The following CENATAC variants were observed in gnomAD, a reference collection of about 807,000 sequenced individuals.
The protein encoded by CENATAC is centrosomal AT-AC splicing factor.
In CENATAC, 53 loss-of-function variants were observed where a neutral mutation model predicts 53.7. The ratio of observed to expected loss-of-function variants is 0.99; its 90% CI spans 0.79 to 1.24. The LOEUF (loss-of-function observed/expected upper bound fraction) is 1.24, where lower values mean the gene tolerates loss of function less well. Among genes scored for constraint, CENATAC ranks in the 50% most tolerant of loss-of-function variants. CENATAC has a pLI of 0.00. For synonymous variants in CENATAC, 156 were observed against 144.6 expected (o/e 1.08, Z -0.57); for missense variants, 474 against 417.8 (o/e 1.13, Z -1.17).
chr11:119,011,544 A>G (rs924957327), intron 5 of CENATAC, among the ~76,000 whole-genome samples: 1 of 151,962 alleles, frequency 6.6e-6, no homozygotes, highest in Non-Finnish European at 1.5e-5. Context: ...ACGCCTGGCT[A>G]ATTTTTATAT....
chr11:119,007,214 C>T (rs1401853209), intron 3 of CENATAC, among the ~76,000 whole-genome samples: 1 of 152,048 alleles, frequency 6.6e-6, no homozygotes, highest in Non-Finnish European at 1.5e-5. Flanking sequence ...GAGAGAGTCT[C>T]GCTCTGTCAC....
chr11:119,011,876 G>C (rs548016219), intron 5 of CENATAC, 63 bp from the exon 6 acceptor site: 22 of 1,441,184 alleles, frequency 1.5e-5, no homozygotes, highest in Middle Eastern at 3.5e-4. Flanking sequence ...GGAGGGTGGA[G>C]GCATGGCCTA....
rs782449517 is a variant in CENATAC, at chr11:119,014,961, A to G, written c.716-33A>G. The G allele has an allele frequency of 5.4e-5, 73 of 1,343,310 alleles. 1 individual carries two copies. In the South Asian group the frequency reaches 9.0e-4, roughly 16 times the overall value. 83.2% of individuals were successfully genotyped at this position (1,343,310 alleles called of 1,614,324 possible). A position where few individuals can be genotyped will look rare whatever the true frequency, so the allele number is the denominator to read the frequency against. ...GTTTCACAATAGCCTGAAGACTTAA[A>G]AAAAAAAAAAAAAGCCTTAATTTTT... is the stretch of plus-strand genomic sequence containing the variant. On this transcript the variant is annotated intron_variant, in intron 8 of 10. Transcript: ENST00000334418.
At chr11:119,013,754 T>C (rs990640763) in intron 8 of CENATAC, among the ~76,000 whole-genome samples, 3 of 150,764 alleles carry the variant, frequency 2.0e-5, no homozygotes, top group African/African-American at 7.3e-5. Context: ...TGAGCCACCG[T>C]GCCCGGACTT....
intron 6 of CENATAC, 55 bp from the exon 7 acceptor site, chr11:119,012,090 ATCTT>A: frequency 6.2e-7 from 1 of 1,613,912 alleles, no homozygotes; most frequent in Non-Finnish European, 8.5e-7. Context: ...AACAGATCTA[ATCTT>A]TACCACCCTC....
chr11:119,013,153 TG>T (rs1173677080), intron 7 of CENATAC, 78 bp from the exon 8 acceptor site: 23 of 1,073,386 alleles, frequency 2.1e-5, no homozygotes, highest in Admixed American at 6.6e-5. Context: ...AAGTGTGCTT[TG>T]TCTATCGTTT....
In CENATAC at chr11:118,999,080, GT is replaced by G. The variant is rs1371167479; in HGVS notation, c.357del (p.Leu120TrpfsTer15). On this transcript the variant is annotated frameshift_variant, in exon 3 of 11. Coordinates refer to ENST00000334418, the MANE Select transcript of CENATAC (RefSeq NM_198489.3). LOFTEE classifies it high-confidence loss of function. ...AAGCTGAGGTCCAGATGAAAGAGAAGTTTCTGGTCACTCCCCAGGATTATGC... is the reference window on the plus strand; with the variant it reads ...AAGCTGAGGTCCAGATGAAAGAGAAGTTCTGGTCACTCCCCAGGATTATGC... ...NKAEVQMKEK[F>X]LVTPQDYARF... is the part of the protein sequence containing the mutation. The G allele has an allele frequency of 1.2e-6, 2 of 1,614,132 alleles. No homozygotes were observed. Among genetic ancestry groups the G allele is most frequent in the Admixed American group, 3.3e-5 (2 of 60,004 alleles).
intron 3 of CENATAC, among the ~76,000 whole-genome samples, chr11:119,006,209 GACTACAGGCACAGGCC>G (rs1355546822): frequency 6.8e-6 from 1 of 146,650 alleles, no homozygotes; most frequent in Non-Finnish European, 1.5e-5. Context: ...GAGTAGCTGG[GACTACAGGCACAGGCC>G]ACCACACCCA....
chr11:119,010,218 G>A (rs1942800570), intron 3 of CENATAC: 3 of 152,962 alleles, frequency 2.0e-5, no homozygotes, highest in African/African-American at 7.2e-5. Context: ...AGGATGTGAA[G>A]TAATGGAAAC....
At chr11:119,002,351 T>C (rs1420002579) in intron 3 of CENATAC, among the ~76,000 whole-genome samples, 1 of 150,968 alleles carries the variant, frequency 6.6e-6, no homozygotes, top group African/African-American at 2.4e-5. Flanking sequence ...GATTTTTTTT[T>C]TTTTTTTTGG....
rs782214972 is a variant in CENATAC at position 119,011,333 on chromosome 11, T to G, written c.513+50T>G. 1.9e-6 allele frequency: 3 copies of G among 1,561,072 alleles called. No homozygotes were observed. In the African/African-American group the frequency reaches 4.1e-5, roughly 21 times the overall value. ...ACCAGTATCCAAATCCACTGATCCC[T>G]GGCATTCCCAGGTCCAGCATTTCAT... On this transcript the variant is annotated intron_variant, in intron 5 of 10. Transcript: ENST00000334418.
chr11:119,008,278 TTTA>T (rs1942701234), intron 3 of CENATAC, among the ~76,000 whole-genome samples: 1 of 152,190 alleles, frequency 6.6e-6, no homozygotes, highest in Non-Finnish European at 1.5e-5. Flanking sequence ...TCCCTCAGTT[TTTA>T]TTGATTATTA....
In CENATAC at chr11:119,010,832, T is replaced by C; in HGVS notation, c.450+2T>C. ...AAGGAGGATAAAGTGATCAAGGAGGTAAGTTAAAGTAGCAGTCCCTCACCC... is the reference window on the plus strand; with the variant it reads ...AAGGAGGATAAAGTGATCAAGGAGGCAAGTTAAAGTAGCAGTCCCTCACCC... On this transcript the variant is annotated splice_donor_variant, in intron 4 of 10. Coordinates refer to ENST00000334418, the MANE Select transcript of CENATAC (RefSeq NM_198489.3). LOFTEE classifies it high-confidence loss of function. 6.2e-7 allele frequency: 1 copy of C among 1,613,418 alleles called. No homozygotes were observed. Among genetic ancestry groups the C allele is most frequent in the Non-Finnish European group, 8.5e-7 (1 of 1,179,574 alleles).
chr11:119,001,052 G>A (rs1369105130), intron 3 of CENATAC, among the ~76,000 whole-genome samples: 1 of 152,074 alleles, frequency 6.6e-6, no homozygotes, highest in Non-Finnish European at 1.5e-5. Context: ...AGTGCTTCAG[G>A]CATCACTAGT....
At chr11:119,000,762 GA>G (rs1201960280) in intron 3 of CENATAC, among the ~76,000 whole-genome samples, 2,957 of 149,394 alleles carry the variant, frequency 0.02, 95 homozygotes, top group African/African-American at 0.069. Context: ...GTCTCAAAAG[GA>G]AAAAAAAAAT....
At chr11:119,012,784 CT>C (rs1285415425) in intron 7 of CENATAC, 1 of 165,224 alleles carries the variant, frequency 6.1e-6, no homozygotes, top group East Asian at 1.8e-4. Flanking sequence ...CTAAAACCTG[CT>C]TTCCTTCCCT....
At chr11:119,013,040 TGAG>T (rs1592077733) in intron 7 of CENATAC, 189 bp from the exon 8 acceptor site, 4 of 506,544 alleles carry the variant, frequency 7.9e-6, no homozygotes, top group Non-Finnish European at 1.4e-5. Flanking sequence ...GTGAGCTTCC[TGAG>T]GACAGGGTTG....
In CENATAC at chr11:119,012,407, T is replaced by C. The variant is rs186693183; in HGVS notation, c.684+153T>C. The C allele has an allele frequency of 6.4e-6, 5 of 783,418 alleles. No homozygotes were observed. The African/African-American group carries it at 8.7e-5, about 14-fold the overall frequency. The allele number at this position is 783,418 out of a possible 1,614,324, so 48.5% of individuals were successfully genotyped here. A position where few individuals can be genotyped will look rare whatever the true frequency, so the allele number is the denominator to read the frequency against. ...TTCCCTAGTAGTGTTCTCAGACCTC[T>C]TCTCACCCTCCAAAGCGATCCTATT... On this transcript the variant is annotated intron_variant, in intron 7 of 10. Transcript: ENST00000334418.
intron 3 of CENATAC, among the ~76,000 whole-genome samples, chr11:119,006,485 C>T (rs899883394): frequency 6.6e-6 from 1 of 152,168 alleles, no homozygotes; most frequent in Non-Finnish European, 1.5e-5. Context: ...ATCCGCCTGC[C>T]TCGGCCTCCC....
Sources: gnomAD v4.1 joint callset for allele counts (sites outside exome capture counted in the v4.1 genomes callset) on GRCh38, gnomAD v4.1.1 for gene constraint, MANE v1.5 for transcripts, NCBI Gene and HGNC (gene_info 2026-07-23, HGNC 2026-07-21) for gene names.